BMPER: variants seen among roughly 807,000 people sequenced by gnomAD.
The protein encoded by BMPER is BMP binding endothelial regulator.
Under a neutral mutation model 87.3 loss-of-function variants are expected in BMPER, and 45 were observed. The ratio of observed to expected loss-of-function variants is 0.52; its 90% CI spans 0.41 to 0.66. The LOEUF (loss-of-function observed/expected upper bound fraction) is 0.66. Among genes scored for constraint, BMPER ranks in the 30% least tolerant of loss-of-function variants. The pLI is 0.00. For synonymous variants in BMPER, 326 were observed against 316.2 expected (o/e 1.03, Z -0.33); for missense variants, 784 against 867.5 (o/e 0.90, Z 1.21).
At chr7:33,920,614 T>TG (rs1393715643) in intron 2 of BMPER, among the ~76,000 whole-genome samples, 1 of 151,794 alleles carries the variant, frequency 6.6e-6, no homozygotes. Context: ...TTAGTAGAGA[T>TG]GGGGTTCCAC....
At chr7:34,149,876 A>G (rs1562774249) in intron 14 of BMPER, among the ~76,000 whole-genome samples, 1 of 152,202 alleles carries the variant, frequency 6.6e-6, no homozygotes. Context: ...CTAGGCTAAA[A>G]TGACTGTAAA....
intron 6 of BMPER, among the ~76,000 whole-genome samples, chr7:34,020,045 G>C (rs763975492): frequency 4.0e-5 from 6 of 151,370 alleles, no homozygotes; most frequent in Non-Finnish European, 7.4e-5. Flanking sequence ...GGAAGTGAGG[G>C]AACAGCATGT....
chr7:33,930,446 C>T (rs1235243582), intron 2 of BMPER, among the ~76,000 whole-genome samples: 2 of 152,086 alleles, frequency 1.3e-5, no homozygotes, highest in Non-Finnish European at 2.9e-5. Flanking sequence ...TATCTCAGGG[C>T]CCCCCTACCC....
chr7:33,948,086 G>C (rs981493264), intron 3 of BMPER, among the ~76,000 whole-genome samples: 1 of 152,156 alleles, frequency 6.6e-6, no homozygotes, highest in African/African-American at 2.4e-5. Context: ...ACCATGCATT[G>C]TCTGCTGCCC....
At chr7:34,035,933 T>C (rs1017197748) in intron 6 of BMPER, among the ~76,000 whole-genome samples, 2 of 152,196 alleles carry the variant, frequency 1.3e-5, no homozygotes, top group African/African-American at 2.4e-5. Flanking sequence ...TGGGTTTCTG[T>C]CTCTGCAGTT....
In BMPER at chr7:34,153,620, G is replaced by T; in HGVS notation, c.*347G>T. On this transcript the variant is annotated 3_prime_UTR_variant, in exon 15 of 15. Transcript: ENST00000649409. ...CATCACATACATTTGTCATTTTTAA[G>T]GAAGTTTTCTAAGAGCCCTCAATTG... is the stretch of plus-strand genomic sequence containing the variant. The T allele has an allele frequency of 5.1e-6, 1 of 195,378 alleles. No individual in the cohort carries two copies. Among genetic ancestry groups the T allele is most frequent in the Non-Finnish European group, 1.1e-5 (1 of 93,166 alleles). The allele number at this position is 195,378 out of a possible 1,614,324, so 12.1% of individuals were successfully genotyped here.
At chr7:33,977,161 G>A (rs7784811) in intron 6 of BMPER, among the ~76,000 whole-genome samples, 88,748 of 151,930 alleles carry the variant, frequency 0.58, 26,247 homozygotes, top group Middle Eastern at 0.65. Context: ...TGTCATAAGA[G>A]CAGTTTTTCT....
At chr7:34,089,670 G>C (rs1217112216) in intron 13 of BMPER, among the ~76,000 whole-genome samples, 2 of 151,998 alleles carry the variant, frequency 1.3e-5, no homozygotes, top group Non-Finnish European at 2.9e-5. Flanking sequence ...TTTTAGTAGA[G>C]ATGGGTTTTC....
chr7:33,913,047 A>G (rs959552734), intron 2 of BMPER, among the ~76,000 whole-genome samples: 7 of 152,210 alleles, frequency 4.6e-5, no homozygotes, highest in African/African-American at 1.7e-4. Flanking sequence ...AGACGAACAC[A>G]TATATAAATA....
In BMPER at chr7:34,154,802, G is replaced by A. The variant is rs1791270882; in HGVS notation, c.*1529G>A. The A allele has an allele frequency of 6.6e-6, 1 of 151,328 alleles. No individual in the cohort carries two copies. Among genetic ancestry groups the A allele is most frequent in the Admixed American group, 6.6e-5 (1 of 15,202 alleles). 9.4% of individuals were successfully genotyped at this position (151,328 alleles called of 1,614,324 possible). A position where few individuals can be genotyped will look rare whatever the true frequency, so the allele number is the denominator to read the frequency against. On this transcript the variant is annotated 3_prime_UTR_variant, in exon 15 of 15. Coordinates refer to ENST00000649409, the MANE Select transcript of BMPER (RefSeq NM_001365308.1). Reference sequence around the variant, plus strand: ...TTTGAATTAACTGAATAAAGTGCAGGGCGTAATAGTGACTGGCTGGGGGCA... The same window carrying A: ...TTTGAATTAACTGAATAAAGTGCAGAGCGTAATAGTGACTGGCTGGGGGCA...
rs1262353229 is a variant in BMPER, at chr7:34,154,581, T to C, written c.*1308T>C. 2.0e-5 allele frequency: 3 copies of C among 152,236 alleles called. No individual in the cohort carries two copies. The East Asian group carries it at 5.8e-4, about 29-fold the overall frequency. The allele number at this position is 152,236 out of a possible 1,614,324, so 9.4% of individuals were successfully genotyped here. A position where few individuals can be genotyped will look rare whatever the true frequency, so the allele number is the denominator to read the frequency against. On this transcript the variant is annotated 3_prime_UTR_variant, in exon 15 of 15. Transcript: ENST00000649409. ...GATTCATTAAATTTTAACAGCTGTA[T>C]TTAGTTATAATTTTTGTATCTTACA...
chr7:34,085,154 G>C (rs1789166010), intron 12 of BMPER, among the ~76,000 whole-genome samples: 1 of 152,166 alleles, frequency 6.6e-6, no homozygotes, highest in Non-Finnish European at 1.5e-5. Flanking sequence ...CAGTGTCCAT[G>C]CCTCAGGAAT....
At chr7:34,136,225 C>T (rs1027805314) in intron 13 of BMPER, among the ~76,000 whole-genome samples, 1 of 152,162 alleles carries the variant, frequency 6.6e-6, no homozygotes, top group Non-Finnish European at 1.5e-5. Flanking sequence ...AATAAAACAG[C>T]CTCACAGTTC....
Position 34,051,889 on chromosome 7 carries a change from T to C in BMPER, c.705T>C (p.Phe235=). Residue 235 remains phenylalanine, a synonymous_variant, in exon 8 of 15, where the codon TTT becomes TTC. Transcript: ENST00000649409. ...LGQRKVFDLP[F]GSCLFRSDVY... is the part of the protein sequence containing the mutation. ...AGAGGAAAGTGTTTGACCTCCCTTT[T>C]GGGAGCTGCCTCTTTCGAAGTGATG... The C allele has an allele frequency of 6.2e-7, 1 of 1,613,960 alleles. No individual in the cohort carries two copies. Among genetic ancestry groups the C allele is most frequent in the Non-Finnish European group, 8.5e-7 (1 of 1,179,830 alleles).
chr7:33,961,884 T>A (rs79950865), intron 3 of BMPER, among the ~76,000 whole-genome samples: 1 of 151,930 alleles, frequency 6.6e-6, no homozygotes, highest in South Asian at 2.1e-4. Flanking sequence ...GAAAGGTAGG[T>A]TGGGGGCATG....
intron 6 of BMPER, among the ~76,000 whole-genome samples, chr7:34,005,751 A>G (rs756523670): frequency 3.3e-5 from 5 of 151,994 alleles, no homozygotes; most frequent in Admixed American, 2.6e-4. Flanking sequence ...TTATTGCTTT[A>G]TGGAGGAATG....
At chr7:34,011,983 G>C (rs1429263139) in intron 6 of BMPER, among the ~76,000 whole-genome samples, 1 of 151,888 alleles carries the variant, frequency 6.6e-6, no homozygotes, top group Non-Finnish European at 1.5e-5. Flanking sequence ...AGTTGGGAAA[G>C]CCTCAAAATA....
intron 6 of BMPER, among the ~76,000 whole-genome samples, chr7:34,034,283 A>G (rs1479322056): frequency 6.6e-6 from 1 of 152,184 alleles, no homozygotes; most frequent in Admixed American, 6.5e-5. Context: ...GTCAGAGAAT[A>G]TGCCTTGTGG....
chr7:33,959,133 C>G (rs1785212944), intron 3 of BMPER, among the ~76,000 whole-genome samples: 1 of 152,108 alleles, frequency 6.6e-6, no homozygotes, highest in Non-Finnish European at 1.5e-5. Flanking sequence ...TACACATTAC[C>G]CAGTCTCGTG....
Sources: allele counts gnomAD v4.1 joint callset (sites outside exome capture counted in the v4.1 genomes callset), GRCh38; gene constraint gnomAD v4.1.1; transcripts MANE v1.5; gene names NCBI Gene and HGNC (gene_info 2026-07-23, HGNC 2026-07-21).